ATP2B2: variants seen among roughly 807,000 people sequenced by gnomAD.
ATP2B2 encodes the protein ATPase plasma membrane Ca2+ transporting 2.
ATP2B2 carries 15 observed loss-of-function variants against 120.0 expected under a neutral mutation model. The ratio of observed to expected loss-of-function variants is 0.12; its 90% CI spans 0.08 to 0.19. ATP2B2 has a LOEUF of 0.19. ATP2B2 is among the 10% of genes least tolerant of loss of function. The pLI is 1.00. For missense variants in ATP2B2, 1,045 were observed against 1,719.8 expected (o/e 0.61, Z 6.94); for synonymous variants, 694 against 700.3 (o/e 0.99, Z 0.14).
intron 5 of ATP2B2, among the ~76,000 whole-genome samples, chr3:10,396,853 G>A (rs527571251): frequency 1.3e-5 from 2 of 152,072 alleles, no homozygotes; most frequent in African/African-American, 4.8e-5. Context: ...AATCAGAAAG[G>A]GGGGGAAGCT....
intron 3 of ATP2B2, among the ~76,000 whole-genome samples, chr3:10,521,521 T>G (rs1284412854): frequency 6.6e-6 from 1 of 152,280 alleles, no homozygotes; most frequent in Non-Finnish European, 1.5e-5. Flanking sequence ...ATTTGTCTGT[T>G]GATGCTCCTT....
chr3:10,340,368 C>T lies in ATP2B2; in HGVS notation c.3130-19G>A. 6.2e-7 allele frequency: 1 copy of T among 1,613,456 alleles called. No homozygotes were observed. Among genetic ancestry groups the T allele is most frequent in the Middle Eastern group, 1.6e-4 (1 of 6,062 alleles). ...TCACTATCTGGAGGTCACAGGGGAG[C>T]AGAGAAAGAGAGAGAGAGAGGCCAT... On this transcript the variant is annotated intron_variant, in intron 20 of 22. Coordinates refer to ENST00000360273, the MANE Select transcript of ATP2B2 (RefSeq NM_001001331.4). This position sits in a 1 kb window ranked among gnomAD's most constrained non-coding sequence, Gnocchi z 5.0.
intron 1 of ATP2B2, among the ~76,000 whole-genome samples, chr3:10,462,918 C>T (rs6442171): frequency 0.041 from 6,188 of 152,266 alleles, 163 homozygotes; most frequent in Admixed American, 0.065. Context: ...TCTAAGTTAA[C>T]ACCCAGTGTT....
At chr3:10,526,207 C>T (rs1454244191) in intron 3 of ATP2B2, among the ~76,000 whole-genome samples, 1 of 152,336 alleles carries the variant, frequency 6.6e-6, no homozygotes, top group Non-Finnish European at 1.5e-5. Context: ...CCTCTTTTGT[C>T]TCTGTTCATC....
At chr3:10,552,679 C>T (rs1027867031) in intron 2 of ATP2B2, among the ~76,000 whole-genome samples, 5 of 152,176 alleles carry the variant, frequency 3.3e-5, no homozygotes, top group African/African-American at 9.7e-5. Context: ...AGAAGTTGCC[C>T]GAGGCCACAG....
chr3:10,508,006 CG>C (rs1311139292), upstream of ATP2B2, among the ~76,000 whole-genome samples: 2 of 152,170 alleles, frequency 1.3e-5, no homozygotes, highest in Non-Finnish European at 2.9e-5. Flanking sequence ...CTTACCTTCC[CG>C]GTGGTCCCTG....
intron 2 of ATP2B2, among the ~76,000 whole-genome samples, chr3:10,617,635 T>C (rs1467814929): frequency 3.9e-5 from 6 of 152,130 alleles, no homozygotes; most frequent in Non-Finnish European, 8.8e-5. Flanking sequence ...TAAAATTCAG[T>C]TTTGCCTGTC....
intron 1 of ATP2B2, among the ~76,000 whole-genome samples, chr3:10,461,534 A>G (rs1483281296): frequency 6.6e-6 from 1 of 152,070 alleles, no homozygotes; most frequent in Non-Finnish European, 1.5e-5. Flanking sequence ...CGGCTCAAGG[A>G]CCCCAGAACA....
At chr3:10,627,283 G>A (rs2069730259) in intron 1 of ATP2B2, among the ~76,000 whole-genome samples, 1 of 152,242 alleles carries the variant, frequency 6.6e-6, no homozygotes, top group Non-Finnish European at 1.5e-5. Flanking sequence ...GGCAGCATCA[G>A]CATGGGCTCC....
chr3:10,547,504 G>C (rs573602361), intron 2 of ATP2B2, among the ~76,000 whole-genome samples: 1 of 152,136 alleles, frequency 6.6e-6, no homozygotes, highest in South Asian at 2.1e-4. Flanking sequence ...CAACAGTAAC[G>C]ACAATGGTCG....
In ATP2B2 at chr3:10,378,352, G is replaced by T. The variant is rs756747721; in HGVS notation, c.1101C>A (p.Gly367=). The T allele has an allele frequency of 6.2e-7, 1 of 1,606,768 alleles. No individual in the cohort carries two copies. The highest frequency in any genetic ancestry group is 1.7e-5 in the Admixed American group (1 of 60,032). ...MEMQPLKSAE[G]GDADDRKKAS... is the part of the protein sequence containing the mutation. Reference sequence around the variant, plus strand: ...CCTTCTTCCTGTCGTCAGCGTCGCCGCCCTCGGCACTCTTGAGGGGCTGCA... The same window carrying T: ...CCTTCTTCCTGTCGTCAGCGTCGCCTCCCTCGGCACTCTTGAGGGGCTGCA... Residue 367 remains glycine (G), a synonymous_variant, in exon 10 of 23, where the codon GGC becomes GGA. Transcript: ENST00000360273.
intron 1 of ATP2B2, among the ~76,000 whole-genome samples, chr3:10,678,377 C>T (rs180718972): frequency 7.4e-4 from 113 of 152,294 alleles, no homozygotes; most frequent in African/African-American, 2.6e-3. Flanking sequence ...GAGATGTGCC[C>T]GGCACTTCCC....
chr3:10,572,614 G>T (rs1165097512), intron 2 of ATP2B2, among the ~76,000 whole-genome samples: 3 of 152,180 alleles, frequency 2.0e-5, no homozygotes, highest in Non-Finnish European at 4.4e-5. Flanking sequence ...GGGGTGTGTG[G>T]TGAAACTACA....
intron 1 of ATP2B2, among the ~76,000 whole-genome samples, chr3:10,687,640 C>G (rs966119883): frequency 1.3e-5 from 2 of 152,154 alleles, no homozygotes; most frequent in African/African-American, 4.8e-5. Flanking sequence ...AAGGGCCAAT[C>G]ATTTGAGGGC....
At chr3:10,672,910 C>T (rs371280754) in intron 1 of ATP2B2, among the ~76,000 whole-genome samples, 3 of 152,210 alleles carry the variant, frequency 2.0e-5, no homozygotes, top group East Asian at 3.9e-4. Flanking sequence ...CTCAGCCAGT[C>T]GGGGGAAAGG....
chr3:10,342,457 G>A lies in ATP2B2; in HGVS notation c.2917+295C>T, dbSNP rs2060306106. On this transcript the variant is annotated intron_variant, in intron 19 of 22. Transcript: ENST00000360273. The surrounding 1 kb of genome is among the most constrained non-coding windows in gnomAD (Gnocchi z 4.4). Reference sequence around the variant, plus strand: ...CCTCAGGTGCCTCTGGGGCTGCCATGCAGTGCTTCAGCACCCGGTCAGGGC... The same window carrying A: ...CCTCAGGTGCCTCTGGGGCTGCCATACAGTGCTTCAGCACCCGGTCAGGGC... Among the ~76,000 whole-genome samples, 1 of 152,210 alleles carries A rather than the reference G, an allele frequency of 6.6e-6. No individual in the cohort carries two copies. The highest frequency in any genetic ancestry group is 6.5e-5 in the Admixed American group (1 of 15,282).
chr3:10,573,996 C>T (rs1412716538), intron 2 of ATP2B2, among the ~76,000 whole-genome samples: 1 of 152,106 alleles, frequency 6.6e-6, no homozygotes, highest in African/African-American at 2.4e-5. Flanking sequence ...CATTATAAAT[C>T]CTATTGACAC....
chr3:10,535,941 A>G (rs1398139454), intron 2 of ATP2B2, among the ~76,000 whole-genome samples: 1 of 152,264 alleles, frequency 6.6e-6, no homozygotes, highest in East Asian at 1.9e-4. Flanking sequence ...GAAACTGTCA[A>G]ACTGTTTTCC....
chr3:10,502,608 TG>T (rs2066439582), intron 1 of ATP2B2, among the ~76,000 whole-genome samples: 2 of 152,190 alleles, frequency 1.3e-5, no homozygotes, highest in African/African-American at 4.8e-5. Context: ...CCCAGCTAGG[TG>T]GCCTCAGAAG....
Sources: allele counts gnomAD v4.1 joint callset (sites outside exome capture counted in the v4.1 genomes callset), GRCh38; gene constraint gnomAD v4.1.1; non-coding constraint Gnocchi (gnomAD v3.1); transcripts MANE v1.5; gene names NCBI Gene and HGNC (gene_info 2026-07-23, HGNC 2026-07-21).